Variants in MYO16 observed in about 807,000 individuals in gnomAD.
MYO16 encodes myosin XVI.
A neutral mutation model predicts 205.3 loss-of-function variants in MYO16; 94 were observed. That is an observed-to-expected ratio of 0.46 (90% CI 0.39 to 0.54). MYO16 has a LOEUF of 0.54. Among genes scored for constraint, MYO16 ranks in the 20% least tolerant of loss-of-function variants. MYO16 has a pLI of 0.00. For synonymous variants in MYO16, 988 were observed against 954.0 expected, an observed-to-expected ratio of 1.04 and a Z score of -0.66; for missense variants, 2,315 against 2,387.5, an observed-to-expected ratio of 0.97 and a Z score of 0.63.
chr13:108,562,281 C>T, the MYO16 span, among the ~76,000 whole-genome samples: 1 of 152,092 alleles, frequency 6.6e-6, no homozygotes, highest in East Asian at 1.9e-4. Context: ...GAGGGTTCTA[C>T]CTTCATGACT....
the MYO16 span, among the ~76,000 whole-genome samples, chr13:108,521,560 A>G: frequency 2.0e-5 from 3 of 152,210 alleles, no homozygotes; most frequent in Non-Finnish European, 4.4e-5. Context: ...ATATAAATGT[A>G]TTAGGTGCCT....
intron 27 of MYO16, among the ~76,000 whole-genome samples, chr13:109,074,750 G>T (rs1888037225): frequency 6.6e-6 from 1 of 152,064 alleles, no homozygotes; most frequent in African/African-American, 2.4e-5. Flanking sequence ...ACAGCATGGG[G>T]GAACTGCTAC....
chr13:108,997,177 G>A (rs529767128), intron 21 of MYO16, among the ~76,000 whole-genome samples: 1 of 151,982 alleles, frequency 6.6e-6, no homozygotes, highest in South Asian at 2.1e-4. Context: ...TGTAGTCCCA[G>A]CCACTCAGGA....
chr13:108,605,587 T>C (rs1878924723), intron 1 of MYO16, among the ~76,000 whole-genome samples: 1 of 152,198 alleles, frequency 6.6e-6, no homozygotes, highest in Admixed American at 6.5e-5. Flanking sequence ...TTTACACTTT[T>C]CTCACATGCC....
At position 108,785,726 on chromosome 13, in the gene MYO16, C is replaced by T. The variant is rs1306709001; in HGVS notation, c.599C>T (p.Thr200Ile). Residue 200 changes from threonine (T) to isoleucine (I), a missense_variant, in exon 5 of 35, where the codon ACC becomes ATC. By Grantham distance (89) the Thr-to-Ile change is moderately conservative. This residue lies in a region of MYO16 where 1,213 missense variants were observed against 1,274.4 expected (regional missense o/e 0.95). Coordinates refer to ENST00000457511, the MANE Select transcript of MYO16 (RefSeq NM_001198950.3). ...EGTESSSILL[T>I]YLDENGVDLT... ...ACAGAATCCAGCTCTATCCTGTTGA[C>T]CTATCTGGATGAAAATGGTAGGCAA... 1 of 1,605,794 alleles carries T rather than the reference C, an allele frequency of 6.2e-7. No homozygotes were observed. Among genetic ancestry groups the T allele is most frequent in the Admixed American group, 1.7e-5 (1 of 58,800 alleles).
chr13:109,071,480 G>A (rs2139649598), intron 27 of MYO16, among the ~76,000 whole-genome samples: 1 of 152,158 alleles, frequency 6.6e-6, no homozygotes, highest in South Asian at 2.1e-4. Context: ...GAGAGACAGG[G>A]GCAATGTGAC....
intron 27 of MYO16, among the ~76,000 whole-genome samples, chr13:109,070,106 A>G (rs1452663477): frequency 6.6e-6 from 1 of 152,234 alleles, no homozygotes; most frequent in East Asian, 1.9e-4. Flanking sequence ...TGTATGGACC[A>G]AACCAAGACA....
At chr13:108,839,115 T>C (rs1877098511) in intron 9 of MYO16, among the ~76,000 whole-genome samples, 1 of 152,060 alleles carries the variant, frequency 6.6e-6, no homozygotes, top group Admixed American at 6.6e-5. Flanking sequence ...GAGGGGACTC[T>C]GCAGAGTCCT....
At chr13:109,156,352 A>G (rs925598002) in intron 32 of MYO16, among the ~76,000 whole-genome samples, 8 of 152,216 alleles carry the variant, frequency 5.3e-5, no homozygotes, top group Non-Finnish European at 1.2e-4. Flanking sequence ...GCCAAGTAGG[A>G]AAAAACAAGC....
chr13:109,073,542 C>A (rs1016737612), intron 27 of MYO16, among the ~76,000 whole-genome samples: 4 of 152,064 alleles, frequency 2.6e-5, no homozygotes, highest in Non-Finnish European at 5.9e-5. Context: ...GGTATCTAAG[C>A]CTAAAACACA....
chr13:109,048,362 G>A (rs763684862), intron 24 of MYO16: 2 of 758,296 alleles, frequency 2.6e-6, no homozygotes, highest in Non-Finnish European at 4.9e-6. Context: ...TGAGCAAAAG[G>A]ACAGAATTTA....
chr13:109,124,796 G>A (rs1413454009), intron 29 of MYO16, among the ~76,000 whole-genome samples: 1 of 152,128 alleles, frequency 6.6e-6, no homozygotes, highest in Non-Finnish European at 1.5e-5. Context: ...TGCAGTTGGA[G>A]GCACACCCCA....
intron 27 of MYO16, among the ~76,000 whole-genome samples, chr13:109,097,111 C>A (rs140956672): frequency 6.6e-6 from 1 of 152,170 alleles, no homozygotes; most frequent in African/African-American, 2.4e-5. Context: ...GGGTGGATCA[C>A]CTGAGGTCAG....
chr13:108,587,639 C>T, the MYO16 span, among the ~76,000 whole-genome samples: 1 of 152,186 alleles, frequency 6.6e-6, no homozygotes, highest in Middle Eastern at 3.4e-3. Context: ...AGCATCTGCT[C>T]ATTTTTGGCA....
intron 18 of MYO16, among the ~76,000 whole-genome samples, chr13:108,962,159 A>G (rs1412384140): frequency 6.6e-6 from 1 of 152,198 alleles, no homozygotes; most frequent in African/African-American, 2.4e-5. Flanking sequence ...CCTGGAAAAA[A>G]ACAATTCCAT....
At chr13:108,662,095 C>T (rs1416605507) in intron 1 of MYO16, among the ~76,000 whole-genome samples, 2 of 152,206 alleles carry the variant, frequency 1.3e-5, no homozygotes, top group African/African-American at 4.8e-5. Context: ...CAGCTCCAGG[C>T]TGGTACTGGG....
chr13:108,799,196 C>T (rs1369150919), intron 6 of MYO16, among the ~76,000 whole-genome samples: 1 of 152,174 alleles, frequency 6.6e-6, no homozygotes, highest in Non-Finnish European at 1.5e-5. Context: ...ACAAACCAAC[C>T]TCAAATTAAA....
Position 108,739,050 on chromosome 13 carries a change from C to G in MYO16, c.507+11467C>G, listed in dbSNP as rs184912634. Among the ~76,000 whole-genome samples, 61 of 152,226 alleles carry G rather than the reference C, an allele frequency of 4.0e-4. No homozygotes were observed. In the East Asian group the frequency reaches 9.7e-3, roughly 24 times the overall value. On this transcript the variant is annotated intron_variant, in intron 4 of 34. Coordinates refer to ENST00000457511, the MANE Select transcript of MYO16 (RefSeq NM_001198950.3). Reference sequence around the variant, plus strand: ...GTGCATCTCTGCAGGTGAGATGGGTCTCCTGTATACAGCACACTGATGGGT... The same window carrying G: ...GTGCATCTCTGCAGGTGAGATGGGTGTCCTGTATACAGCACACTGATGGGT...
chr13:108,998,266 TGG>T (rs1885100190), intron 21 of MYO16, among the ~76,000 whole-genome samples: 1 of 152,196 alleles, frequency 6.6e-6, no homozygotes, highest in African/African-American at 2.4e-5. Flanking sequence ...TGTAAGTGCA[TGG>T]TAGCAGTACC....
Sources: gnomAD v4.1 joint callset for allele counts (sites outside exome capture counted in the v4.1 genomes callset) on GRCh38, gnomAD v4.1.1 for gene constraint, gnomAD v4.1.1 regional missense constraint, MANE v1.5 for transcripts, NCBI Gene and HGNC (gene_info 2026-07-23, HGNC 2026-07-21) for gene names.